Variants in AFF1 observed in about 807,000 individuals in gnomAD.
AFF1 encodes the protein ALF transcription elongation factor 1.
AFF1 carries 48 observed loss-of-function variants against 121.7 expected under a neutral mutation model. The observed-to-expected ratio is 0.39, with a 90% CI of 0.31 to 0.50. AFF1 has a LOEUF of 0.50. Ranked by LOEUF, AFF1 falls within the 20% of genes least tolerant of loss-of-function variation. AFF1 has a pLI of 0.76. For synonymous variants in AFF1, 613 were observed against 563.0 expected (o/e 1.09, Z -1.26); for missense variants, 1,523 against 1,511.7 (o/e 1.01, Z -0.12).
At chr4:87,127,145 T>C in intron 15 of AFF1, 28 bp downstream of exon 15, 2 of 1,516,402 alleles carry the variant, frequency 1.3e-6, no homozygotes, top group Non-Finnish European at 1.8e-6. Context: ...TTCTTCTTGC[T>C]CTGTTTTGTT....
intron 2 of AFF1, among the ~76,000 whole-genome samples, chr4:87,043,287 A>G (rs1393360660): frequency 6.6e-6 from 1 of 152,160 alleles, no homozygotes; most frequent in African/African-American, 2.4e-5. Context: ...GCCCATGGTA[A>G]GCTTTCCCCA....
intron 4 of AFF1, among the ~76,000 whole-genome samples, chr4:87,057,042 A>T (rs1720217769): frequency 6.6e-6 from 1 of 152,212 alleles, no homozygotes; most frequent in South Asian, 2.1e-4. Flanking sequence ...AGTCTTAACC[A>T]CAACACCTAC....
intron 2 of AFF1, among the ~76,000 whole-genome samples, chr4:86,981,994 A>G (rs1723791083): frequency 6.6e-6 from 1 of 152,240 alleles, no homozygotes; most frequent in South Asian, 2.1e-4. Flanking sequence ...AAATTCGCCA[A>G]CAGAGATCAA....
chr4:86,982,848 C>CAAAAAAAAAAAA lies in AFF1; in HGVS notation c.38+34293_38+34304dup, dbSNP rs59568294. ...GGGCGACAGAGTAAGACTCTGTCTC[C>CAAAAAAAAAAAA]AAAAAAAAAAAAAAAAAAAAAAAAA... On this transcript the variant is annotated intron_variant, in intron 2 of 20. Transcript: ENST00000395146. Among the ~76,000 whole-genome samples the CAAAAAAAAAAAA allele has an allele frequency of 1.6e-3, 87 of 53,810 alleles. 1 individual carries two copies. The highest frequency in any genetic ancestry group is 5.6e-3 in the African/African-American group (82 of 14,720). The allele number at this position is 53,810 out of a possible 152,430, so 35.3% of individuals were successfully genotyped here.
chr4:86,947,184 C>T (rs1720929371), intron 1 of AFF1, among the ~76,000 whole-genome samples: 1 of 152,142 alleles, frequency 6.6e-6, no homozygotes, highest in Non-Finnish European at 1.5e-5. Flanking sequence ...CCTAGGGGGC[C>T]ACTATTGCTG....
intron 2 of AFF1, among the ~76,000 whole-genome samples, chr4:87,013,834 C>T (rs1323684047): frequency 6.6e-6 from 1 of 151,946 alleles, no homozygotes; most frequent in Non-Finnish European, 1.5e-5. Context: ...GATTCTGCTC[C>T]CCCTCCCCCA....
At chr4:86,968,703 G>T (rs190242208) in intron 2 of AFF1, among the ~76,000 whole-genome samples, 3 of 152,208 alleles carry the variant, frequency 2.0e-5, no homozygotes, top group African/African-American at 7.2e-5. Flanking sequence ...GGACGGAAGA[G>T]GGGGAGAAAC....
At chr4:87,024,239 A>G (rs1197486195) in intron 2 of AFF1, among the ~76,000 whole-genome samples, 1 of 152,188 alleles carries the variant, frequency 6.6e-6, no homozygotes, top group Non-Finnish European at 1.5e-5. Flanking sequence ...CCAGTGACCC[A>G]TGATTTACTG....
intron 16 of AFF1, among the ~76,000 whole-genome samples, chr4:87,128,567 A>G (rs1728517380): frequency 6.6e-6 from 1 of 152,168 alleles, no homozygotes; most frequent in Non-Finnish European, 1.5e-5. Flanking sequence ...TTTGGTTCAC[A>G]TGCAAACCTA....
chr4:87,115,973 TTAG>T (rs1489205939), intron 12 of AFF1, among the ~76,000 whole-genome samples: 1 of 152,166 alleles, frequency 6.6e-6, no homozygotes, highest in African/African-American at 2.4e-5. Context: ...AGGTTTTGCC[TTAG>T]TAGTTGAGAT....
intron 2 of AFF1, among the ~76,000 whole-genome samples, chr4:87,016,074 G>C (rs1007506371): frequency 2.0e-5 from 3 of 152,046 alleles, no homozygotes; most frequent in South Asian, 2.1e-4. Flanking sequence ...CCAGCTACTC[G>C]GGAGGCTGAG....
At chr4:87,049,689 G>A in intron 4 of AFF1, 2 of 456,192 alleles carry the variant, frequency 4.4e-6, no homozygotes, top group Non-Finnish European at 8.8e-6. Context: ...GTTCCCTCTG[G>A]TCTCGGCCCG....
At chr4:87,093,019 C>T (rs1578234611) in intron 7 of AFF1, among the ~76,000 whole-genome samples, 1 of 152,270 alleles carries the variant, frequency 6.6e-6, no homozygotes, top group East Asian at 1.9e-4. Flanking sequence ...CACGGGGTTG[C>T]TCATGGTTTG....
In AFF1 at chr4:87,098,277, A is replaced by G. The variant is rs77237000; in HGVS notation, c.1283+3308A>G. 1.8e-3 allele frequency among the ~76,000 whole-genome samples: 269 copies of G among 152,294 alleles called. 6 individuals carry two copies. The East Asian group carries it at 0.037, about 21-fold the overall frequency. On this transcript the variant is annotated intron_variant, in intron 8 of 20. Coordinates refer to ENST00000395146, the MANE Select transcript of AFF1 (RefSeq NM_001166693.3). ...TCAGCATGTAGTTTGAGATGTAGTT[A>G]TTTCTCAAATAATTCCTTCTGTAAA...
Position 86,948,539 on chromosome 4 carries a change from A to C in AFF1, c.6A>C (p.Ala2=), listed in dbSNP as rs537634174. The C allele has an allele frequency of 8.8e-5, 135 of 1,537,008 alleles. No individual in the cohort carries two copies. The African/African-American group carries it at 1.7e-3, about 19-fold the overall frequency. Residue 2 remains alanine, a synonymous_variant, in exon 2 of 21, where the codon GCA becomes GCC. Coordinates refer to ENST00000395146, the MANE Select transcript of AFF1 (RefSeq NM_001166693.3). ...CTTTGCATTGACTGGAAACAATGGC[A>C]TTTACAGAAAGAGTCAACAGCAGTG... is the stretch of plus-strand genomic sequence containing the variant. The part of the protein sequence containing the change: M[A]FTERVNSSGN...
intron 4 of AFF1, among the ~76,000 whole-genome samples, chr4:87,049,106 G>A (rs1478235409): frequency 1.1e-4 from 14 of 124,728 alleles, no homozygotes; most frequent in Non-Finnish European, 1.8e-4. Flanking sequence ...GGGGGGGGGG[G>A]GACAACTTAA....
intron 2 of AFF1, among the ~76,000 whole-genome samples, chr4:87,044,007 T>C (rs1319028502): frequency 1.3e-5 from 2 of 152,046 alleles, no homozygotes; most frequent in African/African-American, 4.8e-5. Flanking sequence ...TTAGTAGAGA[T>C]AGGGTTCACC....
At chr4:86,953,018 G>A (rs889553642) in intron 2 of AFF1, among the ~76,000 whole-genome samples, 4 of 144,670 alleles carry the variant, frequency 2.8e-5, no homozygotes, top group South Asian at 2.2e-4. Context: ...GAGCCATGGC[G>A]CCCAGCAAAA....
chr4:87,063,144 GTA>G (rs1464745703), intron 4 of AFF1, among the ~76,000 whole-genome samples: 1 of 146,928 alleles, frequency 6.8e-6, no homozygotes, highest in Non-Finnish European at 1.5e-5. Context: ...CATATAGTAA[GTA>G]TGTAATAGCT....
Sources: gnomAD v4.1 joint callset for allele counts (sites outside exome capture counted in the v4.1 genomes callset) on GRCh38, gnomAD v4.1.1 for gene constraint, MANE v1.5 for transcripts, NCBI Gene and HGNC (gene_info 2026-07-23, HGNC 2026-07-21) for gene names.